AOAH: variants seen among roughly 807,000 people sequenced by gnomAD.
AOAH encodes acyloxyacyl hydrolase (neutrophil).
In AOAH, 64 loss-of-function variants were observed where a neutral mutation model predicts 92.2. The observed-to-expected ratio is 0.69, with a 90% CI of 0.57 to 0.86. AOAH has a LOEUF of 0.86. Among genes scored for constraint, AOAH ranks in the 40% least tolerant of loss-of-function variants. AOAH has a pLI of 0.00. For synonymous variants in AOAH, 263 were observed against 254.5 expected (o/e 1.03, Z -0.32); for missense variants, 656 against 694.6 (o/e 0.94, Z 0.62).
At position 36,580,701 on chromosome 7, in the gene AOAH, A is replaced by T. The variant is rs190082190; in HGVS notation, c.939-4045T>A. Among the ~76,000 whole-genome samples, 540 of 152,218 alleles carry T rather than the reference A, an allele frequency of 3.5e-3. 1 individual carries two copies. The highest frequency in any genetic ancestry group is 5.2e-3 in the Non-Finnish European group (356 of 68,006). On this transcript the variant is annotated intron_variant, in intron 12 of 20. Coordinates refer to ENST00000617537, the MANE Select transcript of AOAH (RefSeq NM_001637.4). Reference sequence around the variant, plus strand: ...AAACTAGTTGCCAGCTAAAAAGCTAATTGATTTTGATTGGAAGCTGGGCCC... The same window carrying T: ...AAACTAGTTGCCAGCTAAAAAGCTATTTGATTTTGATTGGAAGCTGGGCCC...
intron 11 of AOAH, among the ~76,000 whole-genome samples, chr7:36,610,690 G>C (rs2718184): frequency 6.6e-6 from 1 of 151,926 alleles, no homozygotes; most frequent in Admixed American, 6.6e-5. Context: ...ACAATAAAGC[G>C]TATGCACTCT....
intron 11 of AOAH, among the ~76,000 whole-genome samples, chr7:36,608,660 C>G (rs184827710): frequency 6.6e-6 from 1 of 152,062 alleles, no homozygotes; most frequent in Non-Finnish European, 1.5e-5. Flanking sequence ...AGTCAATGTC[C>G]GAGACTATTC....
chr7:36,623,628 T>C (rs552476156), intron 6 of AOAH, among the ~76,000 whole-genome samples: 3 of 152,376 alleles, frequency 2.0e-5, no homozygotes, highest in Admixed American at 2.0e-4. Flanking sequence ...CACATTGTTA[T>C]AGAAATCTTT....
chr7:36,547,955 T>C (rs1583787077), intron 15 of AOAH, among the ~76,000 whole-genome samples: 1 of 152,274 alleles, frequency 6.6e-6, no homozygotes, highest in Non-Finnish European at 1.5e-5. Context: ...TAGATCAGAA[T>C]ATGAGTGAGA....
chr7:36,695,786 C>T (rs953832758), intron 1 of AOAH, among the ~76,000 whole-genome samples: 21 of 152,248 alleles, frequency 1.4e-4, no homozygotes, highest in East Asian at 9.6e-4. Context: ...TGATGCTTTC[C>T]GGAGAGCAAA....
rs140592716 is a variant in AOAH at position 36,650,038 on chromosome 7, C to T, written c.390+9128G>A. Among the ~76,000 whole-genome samples the T allele has an allele frequency of 1.5e-3, 222 of 152,236 alleles. 1 individual carries two copies. The highest frequency in any genetic ancestry group is 5.2e-3 in the African/African-American group (216 of 41,534). Reference sequence around the variant, plus strand: ...GCCCAAGATTCCATTCCTTGGAATCCGTGAGGCCAAGAACCCCAGGTCAGA... The same window carrying T: ...GCCCAAGATTCCATTCCTTGGAATCTGTGAGGCCAAGAACCCCAGGTCAGA... On this transcript the variant is annotated intron_variant, in intron 4 of 20. Coordinates refer to ENST00000617537, the MANE Select transcript of AOAH (RefSeq NM_001637.4).
intron 1 of AOAH, among the ~76,000 whole-genome samples, chr7:36,711,783 C>T (rs2116969077): frequency 6.6e-6 from 1 of 152,220 alleles, no homozygotes; most frequent in South Asian, 2.1e-4. Flanking sequence ...GATGCAGGGC[C>T]AATGTCCAGA....
intron 11 of AOAH, among the ~76,000 whole-genome samples, chr7:36,604,933 T>C (rs1790891875): frequency 1.3e-5 from 2 of 152,224 alleles, no homozygotes; most frequent in Non-Finnish European, 2.9e-5. Context: ...TCCGCTTTCC[T>C]TTGAGCTCTT....
At chr7:36,632,161 C>T (rs1178146943) in intron 5 of AOAH, 55 bp from the exon 6 acceptor site, 2 of 1,469,812 alleles carry the variant, frequency 1.4e-6, no homozygotes, top group Admixed American at 4.2e-5. Context: ...GAGTGGTTCC[C>T]CACCTTCTAA....
chr7:36,673,564 A>G (rs939602167), intron 3 of AOAH, among the ~76,000 whole-genome samples: 2 of 152,168 alleles, frequency 1.3e-5, no homozygotes, highest in Non-Finnish European at 2.9e-5. Flanking sequence ...AAAAAAGAAA[A>G]ACAGTAAAAG....
chr7:36,521,664 T>A (rs537409070), intron 20 of AOAH, among the ~76,000 whole-genome samples: 2 of 151,176 alleles, frequency 1.3e-5, no homozygotes, highest in African/African-American at 4.8e-5. Context: ...GTCATTTTCC[T>A]CCTTTTCTTT....
Position 36,540,392 on chromosome 7 carries a change from G to A in AOAH, c.1233C>T (p.Ser411=). The change falls in exon 16 of 21, where the codon AGC becomes AGT. Residue 411 remains serine (S), a synonymous_variant. Transcript: ENST00000617537. ...CTGGTAAGCCATACAAAATAACATG[G>A]CTGCCATTGGGCAGGTGGGAATTTA... ...KHLNSHLPNG[S]HVILYGLPDG... 1 of 1,614,090 alleles carries A rather than the reference G, an allele frequency of 6.2e-7. No homozygotes were observed.
At chr7:36,642,178 G>C (rs777877504) in intron 4 of AOAH, among the ~76,000 whole-genome samples, 12 of 151,718 alleles carry the variant, frequency 7.9e-5, no homozygotes, top group Non-Finnish European at 1.5e-4. Context: ...TTGCGGTTTT[G>C]CCATTAAAAG....
At position 36,561,286 on chromosome 7, in the gene AOAH, C is replaced by T. The variant is rs1391336526; in HGVS notation, c.1022-11811G>A. ...TGAGCTCCTAACCTCAGGTAATCCA[C>T]CTGCCTTCGCCTCCCAAAGTGCTGG... On this transcript the variant is annotated intron_variant, in intron 13 of 20. Coordinates refer to ENST00000617537, the MANE Select transcript of AOAH (RefSeq NM_001637.4). 2.0e-5 allele frequency among the ~76,000 whole-genome samples: 3 copies of T among 152,278 alleles called. No individual in the cohort carries two copies. In the East Asian group the frequency reaches 5.8e-4, roughly 29 times the overall value.
intron 19 of AOAH, among the ~76,000 whole-genome samples, chr7:36,529,839 CA>C (rs1784590941): frequency 6.6e-6 from 1 of 152,198 alleles, no homozygotes; most frequent in African/African-American, 2.4e-5. Context: ...GGCCACTCAG[CA>C]GTGACTCCGG....
At chr7:36,519,221 T>C (rs987182767) in intron 20 of AOAH, among the ~76,000 whole-genome samples, 2 of 152,184 alleles carry the variant, frequency 1.3e-5, no homozygotes, top group African/African-American at 2.4e-5. Flanking sequence ...GGTTCCTTAA[T>C]ACGCGGTAGA....
At chr7:36,538,035 TTTTG>T (rs998692294) in intron 16 of AOAH, among the ~76,000 whole-genome samples, 4 of 150,468 alleles carry the variant, frequency 2.7e-5, no homozygotes, top group South Asian at 4.2e-4. Flanking sequence ...TGGACAGAGT[TTTTG>T]TTTGTTTGTT....
intron 6 of AOAH, among the ~76,000 whole-genome samples, chr7:36,628,519 A>G (rs12669152): frequency 0.14 from 21,149 of 152,028 alleles, 1,550 homozygotes; most frequent in South Asian, 0.2. Flanking sequence ...CCAGGAGCTT[A>G]TGGGTGATGT....
chr7:36,528,002 A>G (rs993114485), intron 19 of AOAH, among the ~76,000 whole-genome samples: 1 of 152,176 alleles, frequency 6.6e-6, no homozygotes, highest in Non-Finnish European at 1.5e-5. Flanking sequence ...CCAGATAGAA[A>G]TGCTAGCTCT....
Sources: gnomAD v4.1 joint callset for allele counts (sites outside exome capture counted in the v4.1 genomes callset) on GRCh38, gnomAD v4.1.1 for gene constraint, MANE v1.5 for transcripts, NCBI Gene and HGNC (gene_info 2026-07-23, HGNC 2026-07-21) for gene names.